The following RIF1 variants were observed in gnomAD, a reference collection of about 807,000 sequenced individuals.
RIF1 encodes telomere-associated protein RIF1.
In RIF1, 45 loss-of-function variants were observed where a neutral mutation model predicts 247.1. That is an observed-to-expected ratio of 0.18 (90% CI 0.14 to 0.23). The LOEUF (loss-of-function observed/expected upper bound fraction) is 0.23. Among genes scored for constraint, RIF1 ranks in the 10% least tolerant of loss-of-function variants. The pLI is 1.00. For missense variants in RIF1, 2,967 were observed against 2,862.5 expected (o/e 1.04, Z -0.83); for synonymous variants, 1,087 against 978.8 (o/e 1.11, Z -2.06).
intron 6 of RIF1, among the ~76,000 whole-genome samples, 199 bp from the exon 7 acceptor site, chr2:151,419,991 T>G (rs1435431634): frequency 6.6e-6 from 1 of 152,186 alleles, no homozygotes; most frequent in Non-Finnish European, 1.5e-5. Flanking sequence ...ACAAGATTGG[T>G]TCTTTAAAAA....
chr2:151,466,919 A>G (rs925956983), intron 30 of RIF1, among the ~76,000 whole-genome samples: 1 of 152,244 alleles, frequency 6.6e-6, no homozygotes, highest in African/African-American at 2.4e-5. Context: ...TTCAACAAAC[A>G]ACACTTTGAA....
rs759145882 is a variant in RIF1, at chr2:151,468,453, T to G, written c.6748-21T>G. On this transcript the variant is annotated intron_variant, in intron 31 of 35. Transcript: ENST00000444746. ...TCATCTAGGGTTCTGAGTGTTTTTT[T>G]CTCTCCTTTCTTCTATCTAGCATAA... 4 of 1,584,904 alleles carry G rather than the reference T, an allele frequency of 2.5e-6. No homozygotes were observed. The South Asian group carries it at 4.4e-5, about 18-fold the overall frequency.
chr2:151,462,824 C>A, intron 29 of RIF1, 60 bp from the exon 30 acceptor site: 2 of 1,303,796 alleles, frequency 1.5e-6, no homozygotes, highest in Non-Finnish European at 2.1e-6. Flanking sequence ...CCCAGAAAGT[C>A]AAACTCGTTT....
chr2:151,529,599 C>G, the RIF1 span, among the ~76,000 whole-genome samples: 1 of 151,406 alleles, frequency 6.6e-6, no homozygotes, highest in Non-Finnish European at 1.5e-5. Flanking sequence ...GGTGTGATCT[C>G]AGCTCACTGC....
At chr2:151,456,918 G>C (rs1176640078) in intron 23 of RIF1, among the ~76,000 whole-genome samples, 9 of 152,012 alleles carry the variant, frequency 5.9e-5, no homozygotes, top group Non-Finnish European at 1.3e-4. Flanking sequence ...GTATTTAGTA[G>C]AGACAGGGTT....
rs149499754 is a variant in RIF1, at chr2:151,410,912, C to T, written c.105-348C>T. Among the ~76,000 whole-genome samples, 8 of 151,974 alleles carry T rather than the reference C, an allele frequency of 5.3e-5. No homozygotes were observed. In the South Asian group the frequency reaches 1.0e-3, roughly 20 times the overall value. Reference sequence around the variant, plus strand: ...ACTGATTTTTATTAATTGCAAAATGCTTCAAAGTAATTTTCATAGAAATGT... The same window carrying T: ...ACTGATTTTTATTAATTGCAAAATGTTTCAAAGTAATTTTCATAGAAATGT... On this transcript the variant is annotated intron_variant, in intron 2 of 35. Coordinates refer to ENST00000444746, the MANE Select transcript of RIF1 (RefSeq NM_018151.5).
chr2:151,531,853 G>C, the RIF1 span: 4 of 1,612,302 alleles, frequency 2.5e-6, no homozygotes, highest in Non-Finnish European at 3.4e-6. Flanking sequence ...CACAATTGAG[G>C]TAAATTTGTC....
intron 34 of RIF1, among the ~76,000 whole-genome samples, chr2:151,473,406 C>T (rs1332508327): frequency 6.6e-6 from 1 of 150,578 alleles, no homozygotes; most frequent in African/African-American, 2.4e-5. Flanking sequence ...AGCAGTTCTC[C>T]TGCCTCAGCC....
chr2:151,449,775 C>T (rs1049473501), intron 20 of RIF1, among the ~76,000 whole-genome samples: 4 of 151,432 alleles, frequency 2.6e-5, no homozygotes, highest in Non-Finnish European at 5.9e-5. Flanking sequence ...TGTTTTAAAG[C>T]TTTTTTCAAA....
At chr2:151,457,626 A>C (rs1695430261) in intron 23 of RIF1, 135 bp from the exon 24 acceptor site, 4 of 615,352 alleles carry the variant, frequency 6.5e-6, no homozygotes, top group Non-Finnish European at 5.7e-6. Context: ...TCGAGTTATA[A>C]AGAGGGATAT....
chr2:151,492,523 G>C (rs749444070), intron 9 of RIF1: 2 of 1,502,134 alleles, frequency 1.3e-6, no homozygotes, highest in Non-Finnish European at 1.8e-6. Context: ...TGAATGAGTG[G>C]TGCTGTCCTA....
At chr2:151,434,016 C>CA (rs1471525156) in intron 10 of RIF1, among the ~76,000 whole-genome samples, 1 of 151,586 alleles carries the variant, frequency 6.6e-6, no homozygotes, top group African/African-American at 2.4e-5. Context: ...TACTAAAATA[C>CA]AAAAAAGTAG....
rs2152863881 is a variant in RIF1 at position 151,493,839 on chromosome 2, G to C, written c.*416-1390G>C. The C allele has an allele frequency of 6.3e-7, 1 of 1,579,972 alleles. No homozygotes were observed. The highest frequency in any genetic ancestry group is 1.2e-5 in the South Asian group (1 of 85,330). Reference sequence around the variant, plus strand: ...CTCAGGAGTAAAGGGTGTGGGGGTTGCTTTCCCCAGGTTCTCTTTGTATAA... The same window carrying C: ...CTCAGGAGTAAAGGGTGTGGGGGTTCCTTTCCCCAGGTTCTCTTTGTATAA... On this transcript the variant is annotated intron_variant and NMD_transcript_variant, in intron 9 of 13. Transcript: ENST00000454583.
chr2:151,527,612 C>T, the RIF1 span: 5 of 1,547,308 alleles, frequency 3.2e-6, no homozygotes, highest in Non-Finnish European at 4.4e-6. Flanking sequence ...AGAAAGGAAT[C>T]ACTTGATTCA....
intron 2 of RIF1, among the ~76,000 whole-genome samples, chr2:151,410,990 G>A (rs1686082109): frequency 6.6e-6 from 1 of 152,148 alleles, no homozygotes; most frequent in African/African-American, 2.4e-5. Context: ...TTAGTAACTA[G>A]GAATAGGGAT....
chr2:151,504,322 GTTGCATTTCT>G (rs1433828824), intron 12 of RIF1, among the ~76,000 whole-genome samples: 1 of 152,162 alleles, frequency 6.6e-6, no homozygotes, highest in Non-Finnish European at 1.5e-5. Flanking sequence ...TGGTAACAAA[GTTGCATTTCT>G]TTACTCTTCA....
At chr2:151,514,536 T>C in the RIF1 span, 2 of 893,324 alleles carry the variant, frequency 2.2e-6, no homozygotes, top group South Asian at 1.4e-5. Flanking sequence ...GTTCACAGTT[T>C]AGTAAGTAAA....
intron 1 of RIF1, 142 bp downstream of exon 1, chr2:151,410,175 G>A: frequency 1.5e-6 from 1 of 646,552 alleles, no homozygotes; most frequent in Non-Finnish European, 2.8e-6. Context: ...AAAGCTGCCC[G>A]GGAAAGTGGT....
chr2:151,503,505 A>T (rs2066350625), intron 12 of RIF1: 1 of 1,077,714 alleles, frequency 9.3e-7, no homozygotes, highest in Admixed American at 1.8e-5. Context: ...GATAGCAGCC[A>T]CATGTGGGCT....
Sources: allele counts gnomAD v4.1 joint callset (sites outside exome capture counted in the v4.1 genomes callset), GRCh38; gene constraint gnomAD v4.1.1; transcripts MANE v1.5; gene names NCBI Gene and HGNC (gene_info 2026-07-23, HGNC 2026-07-21).